DGKI: variants seen among roughly 807,000 people sequenced by gnomAD.
The protein encoded by DGKI is diacylglycerol kinase iota.
In DGKI, 55 loss-of-function variants were observed where a neutral mutation model predicts 147.5. That is an observed-to-expected ratio of 0.37 (90% confidence interval 0.30 to 0.47). DGKI has a LOEUF of 0.47. Among genes scored for constraint, DGKI ranks in the 20% least tolerant of loss-of-function variants. The pLI is 1.00. For missense variants in DGKI, 1,007 were observed against 1,323.8 expected, an observed-to-expected ratio of 0.76 and a Z score of 3.71; for synonymous variants, 469 against 477.1, an observed-to-expected ratio of 0.98 and a Z score of 0.22.
intron 12 of DGKI, among the ~76,000 whole-genome samples, chr7:137,595,279 G>A (rs543010864): frequency 2.0e-5 from 3 of 152,306 alleles, no homozygotes; most frequent in South Asian, 4.1e-4. Flanking sequence ...ACAGACATTC[G>A]AAACTGTAAT....
At chr7:137,756,759 A>G (rs1795695446) in intron 1 of DGKI, among the ~76,000 whole-genome samples, 1 of 152,166 alleles carries the variant, frequency 6.6e-6, no homozygotes, top group Non-Finnish European at 1.5e-5. Flanking sequence ...TGCCTCAGAG[A>G]CTACATTGTG....
intron 5 of DGKI, among the ~76,000 whole-genome samples, chr7:137,646,714 C>G (rs932109590): frequency 6.6e-6 from 1 of 152,174 alleles, no homozygotes; most frequent in Non-Finnish European, 1.5e-5. Context: ...CCCTTATTTT[C>G]TCTTTAAAAA....
chr7:137,500,988 A>C (rs1472120126), intron 21 of DGKI, among the ~76,000 whole-genome samples: 8 of 152,118 alleles, frequency 5.3e-5, no homozygotes, highest in Non-Finnish European at 1.2e-4. Flanking sequence ...CTGTATTTGC[A>C]CACCCATTGA....
At chr7:137,509,668 A>T (rs1006307842) in intron 21 of DGKI, among the ~76,000 whole-genome samples, 1 of 152,210 alleles carries the variant, frequency 6.6e-6, no homozygotes, top group African/African-American at 2.4e-5. Context: ...CCACTTGTCA[A>T]TGCCTCAAAG....
intron 1 of DGKI, among the ~76,000 whole-genome samples, chr7:137,845,451 T>G (rs554859677): frequency 1.3e-5 from 2 of 152,314 alleles, no homozygotes; most frequent in African/African-American, 4.8e-5. Context: ...CAAGAATGTT[T>G]TCACTGACCC....
At chr7:137,647,722 G>A (rs754743060) in intron 5 of DGKI, among the ~76,000 whole-genome samples, 1 of 152,202 alleles carries the variant, frequency 6.6e-6, no homozygotes, top group African/African-American at 2.4e-5. Context: ...TGAGGCTACT[G>A]CTGACACCTT....
chr7:137,542,734 A>G (rs1817743870), intron 20 of DGKI, among the ~76,000 whole-genome samples: 2 of 152,186 alleles, frequency 1.3e-5, no homozygotes. Context: ...TACACCAGAA[A>G]AGTCCGTTTT....
intron 1 of DGKI, among the ~76,000 whole-genome samples, chr7:137,751,505 G>A (rs993453604): frequency 4.6e-5 from 7 of 152,266 alleles, no homozygotes; most frequent in Admixed American, 2.0e-4. Flanking sequence ...TCCTACACAC[G>A]TTTCAGACGT....
At chr7:137,743,173 G>A (rs139200288) in intron 1 of DGKI, among the ~76,000 whole-genome samples, 11 of 152,242 alleles carry the variant, frequency 7.2e-5, no homozygotes, top group South Asian at 2.1e-4. Flanking sequence ...ACAGACACAC[G>A]ATAACAGTAG....
intron 1 of DGKI, among the ~76,000 whole-genome samples, chr7:137,699,737 T>C (rs551057366): frequency 1.3e-5 from 2 of 152,238 alleles, no homozygotes; most frequent in African/African-American, 4.8e-5. Context: ...GAAAAGTGTA[T>C]CATTAGCATC....
intron 1 of DGKI, among the ~76,000 whole-genome samples, chr7:137,788,509 T>C (rs1796741807): frequency 6.6e-6 from 1 of 152,028 alleles, no homozygotes; most frequent in Non-Finnish European, 1.5e-5. Flanking sequence ...CTCCAGACTG[T>C]TCTTCTACCA....
At chr7:137,405,112 C>A (rs534208048) in intron 30 of DGKI, among the ~76,000 whole-genome samples, 3 of 152,048 alleles carry the variant, frequency 2.0e-5, no homozygotes, top group Non-Finnish European at 4.4e-5. Flanking sequence ...TCATTCATGT[C>A]CCTGGGGCAC....
chr7:137,458,093 T>G (rs893687679), intron 27 of DGKI, among the ~76,000 whole-genome samples: 1 of 152,218 alleles, frequency 6.6e-6, no homozygotes, highest in Non-Finnish European at 1.5e-5. Context: ...ATATCTTCAG[T>G]GCCTGACTTC....
chr7:137,823,598 G>C (rs577002134), intron 1 of DGKI, among the ~76,000 whole-genome samples: 1 of 152,312 alleles, frequency 6.6e-6, no homozygotes, highest in African/African-American at 2.4e-5. Context: ...TGTTCCATCA[G>C]ACAAGGCATA....
At chr7:137,397,352 C>A in intron 31 of DGKI, 25 bp downstream of exon 31, 1 of 1,608,566 alleles carries the variant, frequency 6.2e-7, no homozygotes, top group Non-Finnish European at 8.5e-7. Context: ...ATAACCTAGA[C>A]TATGTAATAA....
intron 2 of DGKI, among the ~76,000 whole-genome samples, chr7:137,687,028 G>T (rs1823441327): frequency 2.0e-5 from 3 of 152,116 alleles, no homozygotes; most frequent in Admixed American, 6.5e-5. Flanking sequence ...AGAAGCCAGA[G>T]AATCATAGTA....
chr7:137,653,468 C>T (rs987226742), intron 5 of DGKI, among the ~76,000 whole-genome samples: 1 of 152,216 alleles, frequency 6.6e-6, no homozygotes, highest in African/African-American at 2.4e-5. Flanking sequence ...CTTACAAGGA[C>T]CTTCAGGGTC....
At position 137,722,138 on chromosome 7, in the gene DGKI, T is replaced by C. The variant is rs1794576267; in HGVS notation, c.402-32136A>G. The C allele has an allele frequency of 1.9e-6, 3 of 1,599,056 alleles. No homozygotes were observed. The South Asian group carries it at 3.3e-5, about 18-fold the overall frequency. ...CATTGCAGCCGCAACCCTGTCATTG[T>C]CAGAGGAATTGGCAGGTATTCCCGA... On this transcript the variant is annotated intron_variant, in intron 1 of 32. Coordinates refer to ENST00000614521, the MANE Select transcript of DGKI (RefSeq NM_001321708.2).
chr7:137,632,625 A>G (rs577527859), intron 6 of DGKI, among the ~76,000 whole-genome samples: 31 of 152,066 alleles, frequency 2.0e-4, no homozygotes, highest in Admixed American at 5.2e-4. Flanking sequence ...TTGGGAGGCC[A>G]AGGCGGGCAG....
Sources: gnomAD v4.1 joint callset for allele counts (sites outside exome capture counted in the v4.1 genomes callset) on GRCh38, gnomAD v4.1.1 for gene constraint, MANE v1.5 for transcripts, NCBI Gene and HGNC (gene_info 2026-07-23, HGNC 2026-07-21) for gene names.